Variants in CCDC150 observed in about 807,000 individuals in gnomAD.
CCDC150 encodes the protein coiled-coil domain containing 150.
A neutral mutation model predicts 156.5 loss-of-function variants in CCDC150; 151 were observed. The observed-to-expected ratio is 0.97, with a 90% CI of 0.85 to 1.10. CCDC150 has a LOEUF of 1.10. CCDC150 is among the 50% of genes least tolerant of loss of function. The probability of loss-of-function intolerance (pLI) is 0.00; values close to 1 mark genes in which losing one functional copy is unlikely to be tolerated. For synonymous variants in CCDC150, 452 were observed against 429.4 expected (o/e 1.05, Z -0.65); for missense variants, 1,312 against 1,268.1 (o/e 1.03, Z -0.53).
chr2:196,642,324 T>C (rs896419337), intron 1 of CCDC150, among the ~76,000 whole-genome samples: 2 of 152,172 alleles, frequency 1.3e-5, no homozygotes, highest in African/African-American at 2.4e-5. Context: ...CTATGACTTA[T>C]GAGGATCTGC....
At chr2:196,724,274 C>CTTTCTTCTTCTTTTTA (rs1698086065) in intron 21 of CCDC150, among the ~76,000 whole-genome samples, 1 of 146,552 alleles carries the variant, frequency 6.8e-6, no homozygotes, top group Admixed American at 6.8e-5. Context: ...AATGTTCTTA[C>CTTTCTTCTTCTTTTTA]CTCAGTAAAA....
intron 14 of CCDC150, among the ~76,000 whole-genome samples, chr2:196,697,180 T>C (rs759069601): frequency 2.6e-5 from 4 of 152,240 alleles, no homozygotes; most frequent in Non-Finnish European, 5.9e-5. Context: ...TTTAAAAACA[T>C]TGATTGACTA....
At chr2:196,643,389 A>T (rs1020942530) in intron 1 of CCDC150, among the ~76,000 whole-genome samples, 5 of 152,136 alleles carry the variant, frequency 3.3e-5, no homozygotes, top group Non-Finnish European at 7.4e-5. Context: ...TGCAAACCAA[A>T]TTCCTACCGC....
At chr2:196,710,808 A>G (rs1043832603) in intron 15 of CCDC150, among the ~76,000 whole-genome samples, 9 of 152,210 alleles carry the variant, frequency 5.9e-5, no homozygotes, top group African/African-American at 2.2e-4. Context: ...AGTTAACTGT[A>G]GGATAGAAGG....
intron 8 of CCDC150, among the ~76,000 whole-genome samples, chr2:196,670,233 A>G (rs1346797691): frequency 6.6e-6 from 1 of 152,160 alleles, no homozygotes; most frequent in Non-Finnish European, 1.5e-5. Context: ...ACACACTTAC[A>G]GTGATTTGAA....
chr2:196,654,261 C>CT lies in CCDC150; in HGVS notation c.177-2370dup, dbSNP rs553498029. 2.1e-3 allele frequency among the ~76,000 whole-genome samples: 325 copies of CT among 151,902 alleles called. 2 individuals are homozygous for CT. Among genetic ancestry groups the CT allele is most frequent in the Non-Finnish European group, 3.9e-3 (264 of 67,952 alleles). On this transcript the variant is annotated intron_variant, in intron 2 of 27. Transcript: ENST00000389175. ...ATCTTATTTGTTGTCCTTTGGGTTT[C>CT]TTGGATCTGGATTTCTATGTCCTTC...
chr2:196,727,706 G>A (rs1184727388), intron 22 of CCDC150: 4 of 151,954 alleles, frequency 2.6e-5, no homozygotes, highest in African/African-American at 7.2e-5. Flanking sequence ...ACCTTTAGTC[G>A]GAGATCATTG....
At chr2:196,681,931 T>C (rs1040849539) in intron 13 of CCDC150, among the ~76,000 whole-genome samples, 1 of 152,192 alleles carries the variant, frequency 6.6e-6, no homozygotes, top group Non-Finnish European at 1.5e-5. Context: ...ATTGATAATG[T>C]CCTTTGATGC....
intron 14 of CCDC150, among the ~76,000 whole-genome samples, chr2:196,699,127 A>C (rs557181138): frequency 1.3e-5 from 2 of 152,350 alleles, no homozygotes; most frequent in South Asian, 4.1e-4. Flanking sequence ...ATTTATCATC[A>C]TGAGTTTCCT....
chr2:196,684,976 T>C (rs1167716329), intron 13 of CCDC150, among the ~76,000 whole-genome samples: 2 of 152,130 alleles, frequency 1.3e-5, no homozygotes, highest in East Asian at 1.9e-4. Flanking sequence ...TATAGTTGTT[T>C]TTTTAAAAAC....
intron 2 of CCDC150, among the ~76,000 whole-genome samples, chr2:196,648,718 A>G (rs539823747): frequency 2.6e-5 from 4 of 152,278 alleles, no homozygotes; most frequent in Admixed American, 1.3e-4. Context: ...GCTGAGACCA[A>G]TGTCAAAGAG....
At chr2:196,729,475 C>G in intron 23 of CCDC150, 88 bp downstream of exon 23, 1 of 1,286,968 alleles carries the variant, frequency 7.8e-7, no homozygotes. Context: ...GTTTTAGAAC[C>G]CTAGCAGCCC....
At chr2:196,667,209 T>C (rs1693902105) in intron 7 of CCDC150, 1 of 272,092 alleles carries the variant, frequency 3.7e-6, no homozygotes, top group Admixed American at 4.7e-5. Context: ...CCATGAATCC[T>C]TGATGACTTA....
Position 196,720,549 on chromosome 2 carries a change from ACT to A in CCDC150, c.2166-23_2166-22del, listed in dbSNP as rs1317664922. ...TCCTACACGATTCTTTTCTGTAGTC[ACT>A]CTTTTTGTGCTTTTTATTTTTAGGG... On this transcript the variant is annotated intron_variant, in intron 19 of 27. Transcript: ENST00000389175. 2.5e-6 allele frequency: 4 copies of A among 1,588,848 alleles called. No homozygotes were observed. The East Asian group carries it at 8.9e-5, about 36-fold the overall frequency.
At position 196,676,105 on chromosome 2, in the gene CCDC150, G is replaced by T. The variant is rs375060994; in HGVS notation, c.1138-38G>T. ...AAATGACACCCTATCAAAAGACTTTGTGGAGCTTCAACTTCTAATATTGCT... is the reference window on the plus strand; with the variant it reads ...AAATGACACCCTATCAAAAGACTTTTTGGAGCTTCAACTTCTAATATTGCT... On this transcript the variant is annotated intron_variant, in intron 10 of 27. Transcript: ENST00000389175. 9.5e-5 allele frequency: 153 copies of T among 1,609,350 alleles called. 3 individuals are homozygous for T. The South Asian group carries it at 1.6e-3, about 17-fold the overall frequency.
chr2:196,678,115 C>A (rs1265219858), intron 13 of CCDC150, among the ~76,000 whole-genome samples: 2 of 152,168 alleles, frequency 1.3e-5, no homozygotes, highest in Non-Finnish European at 2.9e-5. Flanking sequence ...CAAATGAAAT[C>A]CTTATTAAAA....
intron 21 of CCDC150, among the ~76,000 whole-genome samples, chr2:196,725,093 G>C (rs1217519139): frequency 6.6e-6 from 1 of 152,142 alleles, no homozygotes; most frequent in African/African-American, 2.4e-5. Context: ...TGCTTTTAGA[G>C]ACACGTGGAG....
chr2:196,653,885 G>A (rs1428603012), intron 2 of CCDC150, among the ~76,000 whole-genome samples: 3 of 152,180 alleles, frequency 2.0e-5, no homozygotes, highest in Non-Finnish European at 4.4e-5. Context: ...GTTTTCTGCA[G>A]GCTAAAAAGC....
At position 196,718,359 on chromosome 2, in the gene CCDC150, G is replaced by T. The variant is rs1020582712; in HGVS notation, c.1867-144G>T. 4.9e-4 allele frequency: 258 copies of T among 530,934 alleles called. 2 individuals are homozygous for T. The highest frequency in any genetic ancestry group is 3.1e-3 in the Middle Eastern group (6 of 1,920). 32.9% of individuals were successfully genotyped at this position (530,934 alleles called of 1,614,324 possible). On this transcript the variant is annotated intron_variant, in intron 17 of 27. Transcript: ENST00000389175. ...TATTTTTGTTGTAGTTTCCTTTAAA[G>T]GAATAAGCAGCTAATAAAGATGGGT...
Sources: allele counts gnomAD v4.1 joint callset (sites outside exome capture counted in the v4.1 genomes callset), GRCh38; gene constraint gnomAD v4.1.1; transcripts MANE v1.5; gene names NCBI Gene and HGNC (gene_info 2026-07-23, HGNC 2026-07-21).